NALF1: variants seen among roughly 807,000 people sequenced by gnomAD.
NALF1 encodes NALCN channel auxiliary factor 1.
Under a neutral mutation model 48.4 loss-of-function variants are expected in NALF1, and 3 were observed. The observed-to-expected ratio is 0.06, with a 90% CI of 0.03 to 0.16. NALF1 has a LOEUF of 0.16. Ranked by LOEUF, NALF1 falls within the 10% of genes least tolerant of loss-of-function variation. The probability of loss-of-function intolerance (pLI) is 1.00; values close to 1 mark genes in which losing one functional copy is unlikely to be tolerated. For synonymous variants in NALF1, 262 were observed against 245.7 expected, an observed-to-expected ratio of 1.07 and a Z score of -0.62; for missense variants, 526 against 571.5, an observed-to-expected ratio of 0.92 and a Z score of 0.81.
At chr13:107,206,924 A>G (rs1879656205) in intron 2 of NALF1, among the ~76,000 whole-genome samples, 1 of 152,226 alleles carries the variant, frequency 6.6e-6, no homozygotes, top group Non-Finnish European at 1.5e-5. Context: ...TGTGAATTGG[A>G]TGCAGTTCAA....
intron 1 of NALF1, among the ~76,000 whole-genome samples, chr13:107,828,604 T>TAC (rs1879601077): frequency 3.7e-5 from 1 of 27,226 alleles, no homozygotes; most frequent in African/African-American, 6.6e-5. Flanking sequence ...TATCTATATC[T>TAC]ATACACACAC....
chr13:107,396,701 T>C (rs948975730), intron 1 of NALF1, among the ~76,000 whole-genome samples: 1 of 152,168 alleles, frequency 6.6e-6, no homozygotes, highest in Non-Finnish European at 1.5e-5. Flanking sequence ...TGTAGGGCTG[T>C]AGTGCTATTC....
chr13:107,203,661 C>G (rs1341117789), intron 2 of NALF1, among the ~76,000 whole-genome samples: 1 of 152,172 alleles, frequency 6.6e-6, no homozygotes, highest in African/African-American at 2.4e-5. Flanking sequence ...CAGGCTGGGC[C>G]CTCAGTGGTT....
chr13:107,208,789 G>T (rs1879695316), intron 2 of NALF1, among the ~76,000 whole-genome samples: 2 of 152,146 alleles, frequency 1.3e-5, no homozygotes, highest in Non-Finnish European at 2.9e-5. Flanking sequence ...AATAGCCTGT[G>T]TCTGGTGAAT....
intron 1 of NALF1, among the ~76,000 whole-genome samples, chr13:107,372,831 T>C (rs1348058091): frequency 2.0e-5 from 3 of 152,192 alleles, no homozygotes; most frequent in Non-Finnish European, 4.4e-5. Context: ...AAGAAAATCT[T>C]TAAACACTCA....
At chr13:107,176,964 T>C (rs1878952228) in intron 2 of NALF1, among the ~76,000 whole-genome samples, 3 of 151,934 alleles carry the variant, frequency 2.0e-5, no homozygotes, top group Admixed American at 2.0e-4. Flanking sequence ...TAATTTCATA[T>C]ATGGGAAAAA....
chr13:107,595,644 T>A (rs893103061), intron 1 of NALF1, among the ~76,000 whole-genome samples: 1 of 152,174 alleles, frequency 6.6e-6, no homozygotes, highest in Non-Finnish European at 1.5e-5. Context: ...TTCCAGATAA[T>A]TGCTTTTTAA....
chr13:107,275,331 A>G (rs1881258745), intron 1 of NALF1, among the ~76,000 whole-genome samples: 1 of 152,138 alleles, frequency 6.6e-6, no homozygotes, highest in Admixed American at 6.5e-5. Flanking sequence ...CAAATTATGT[A>G]TCTCATCTCC....
At chr13:107,300,583 T>C (rs561333069) in intron 1 of NALF1, among the ~76,000 whole-genome samples, 4 of 152,338 alleles carry the variant, frequency 2.6e-5, no homozygotes, top group African/African-American at 7.2e-5. Flanking sequence ...TAGTTGGTTG[T>C]AATAAAAAAT....
At chr13:107,214,685 C>G (rs1333902950) in intron 1 of NALF1, among the ~76,000 whole-genome samples, 1 of 152,178 alleles carries the variant, frequency 6.6e-6, no homozygotes, top group East Asian at 1.9e-4. Context: ...GACTTATTGA[C>G]TGTCACAATC....
intron 1 of NALF1, among the ~76,000 whole-genome samples, chr13:107,711,870 T>C (rs1875603537): frequency 6.6e-6 from 1 of 152,196 alleles, no homozygotes; most frequent in South Asian, 2.1e-4. Flanking sequence ...GTTCAATTAA[T>C]AGGAAACATG....
intron 1 of NALF1, among the ~76,000 whole-genome samples, chr13:107,761,311 C>T (rs941825736): frequency 1.3e-5 from 2 of 151,248 alleles, no homozygotes; most frequent in African/African-American, 4.9e-5. Flanking sequence ...GTGCTGAGAT[C>T]GCGCCACTGC....
intron 1 of NALF1, among the ~76,000 whole-genome samples, chr13:107,411,999 G>A (rs1158574333): frequency 6.6e-6 from 1 of 152,076 alleles, no homozygotes; most frequent in East Asian, 1.9e-4. Context: ...TATATTAGAT[G>A]AGAAAAAATG....
At chr13:107,394,957 G>A (rs1231622972) in intron 1 of NALF1, among the ~76,000 whole-genome samples, 1 of 152,178 alleles carries the variant, frequency 6.6e-6, no homozygotes, top group Non-Finnish European at 1.5e-5. Flanking sequence ...CTCCAATGGG[G>A]ACATCCAATG....
At chr13:107,743,667 T>C (rs982947690) in intron 1 of NALF1, among the ~76,000 whole-genome samples, 5 of 152,236 alleles carry the variant, frequency 3.3e-5, no homozygotes, top group African/African-American at 4.8e-5. Flanking sequence ...AAGCAATTCC[T>C]AACAGGAGGA....
At chr13:107,712,269 TC>T in intron 1 of NALF1, among the ~76,000 whole-genome samples, 1 of 152,298 alleles carries the variant, frequency 6.6e-6, no homozygotes, top group African/African-American at 2.4e-5. Flanking sequence ...CCTATATTCT[TC>T]CTTTTTCTGC....
chr13:107,622,479 A>C (rs1362406223), intron 1 of NALF1, among the ~76,000 whole-genome samples: 11 of 151,988 alleles, frequency 7.2e-5, no homozygotes, highest in Non-Finnish European at 1.3e-4. Context: ...AACAAAAAAA[A>C]AAAAACAGAG....
intron 1 of NALF1, among the ~76,000 whole-genome samples, chr13:107,475,283 C>CAA (rs1885162078): frequency 1.3e-5 from 2 of 152,164 alleles, no homozygotes; most frequent in African/African-American, 2.4e-5. Flanking sequence ...AGGTACTGAA[C>CAA]AAAACACTTT....
intron 1 of NALF1, among the ~76,000 whole-genome samples, chr13:107,315,367 C>A (rs1047385407): frequency 6.6e-6 from 1 of 152,076 alleles, no homozygotes; most frequent in African/African-American, 2.4e-5. Flanking sequence ...TGCAGCCAAA[C>A]TCACTTTGTT....
Sources: gnomAD v4.1 joint callset for allele counts (sites outside exome capture counted in the v4.1 genomes callset) on GRCh38, gnomAD v4.1.1 for gene constraint, MANE v1.5 for transcripts, NCBI Gene and HGNC (gene_info 2026-07-23, HGNC 2026-07-21) for gene names.